SLC17A5: variants seen among roughly 807,000 people sequenced by gnomAD.
SLC17A5 encodes solute carrier family 17 member 5.
A neutral mutation model predicts 59.4 loss-of-function variants in SLC17A5; 47 were observed. The ratio of observed to expected loss-of-function variants is 0.79; its 90% CI spans 0.63 to 1.01. The LOEUF (loss-of-function observed/expected upper bound fraction) is 1.01, where lower values mean the gene tolerates loss of function less well. Among genes scored for constraint, SLC17A5 ranks in the 50% least tolerant of loss-of-function variants. The pLI, the probability that SLC17A5 is intolerant of heterozygous loss-of-function variation, is 0.00. For missense variants in SLC17A5, 522 were observed against 595.5 expected (o/e 0.88, Z 1.28); for synonymous variants, 202 against 210.7 (o/e 0.96, Z 0.36).
intron 8 of SLC17A5, among the ~76,000 whole-genome samples, chr6:73,613,850 G>A (rs1767736005): frequency 6.6e-6 from 1 of 152,146 alleles, no homozygotes; most frequent in East Asian, 1.9e-4. Context: ...TGGGTGTGGT[G>A]GCTCACACCT....
intron 2 of SLC17A5, 23 bp from the exon 3 acceptor site, chr6:73,641,947 A>G: frequency 6.3e-7 from 1 of 1,590,648 alleles, no homozygotes; most frequent in Non-Finnish European, 8.6e-7. Flanking sequence ...GAAAAGAATA[A>G]AACAATCCTT....
chr6:73,622,294 CTTTCT>C (rs200715731), intron 6 of SLC17A5, among the ~76,000 whole-genome samples: 15,827 of 149,398 alleles, frequency 0.11, 908 homozygotes, highest in Middle Eastern at 0.19. Flanking sequence ...CTATTTCTTT[CTTTCT>C]TTTTTTTTTT....
intron 1 of SLC17A5, among the ~76,000 whole-genome samples, chr6:73,646,688 T>C (rs2150122551): frequency 6.6e-6 from 1 of 152,262 alleles, no homozygotes; most frequent in Non-Finnish European, 1.5e-5. Flanking sequence ...TCTTTTTTTT[T>C]TTAGAGACAG....
At chr6:73,600,031 T>A (rs1478324688) in intron 10 of SLC17A5, among the ~76,000 whole-genome samples, 2 of 152,142 alleles carry the variant, frequency 1.3e-5, no homozygotes, top group African/African-American at 2.4e-5. Flanking sequence ...CCTGACCTCG[T>A]GATCCACCTG....
At position 73,630,527 on chromosome 6, in the gene SLC17A5, C is replaced by T. The variant is rs532635804; in HGVS notation, c.819+4855G>A. Among the ~76,000 whole-genome samples the T allele has an allele frequency of 1.2e-3, 187 of 152,204 alleles. 1 individual carries two copies. The highest frequency in any genetic ancestry group is 4.4e-3 in the African/African-American group (182 of 41,534). On this transcript the variant is annotated intron_variant, in intron 6 of 10. Coordinates refer to ENST00000355773, the MANE Select transcript of SLC17A5 (RefSeq NM_012434.5). The stretch of plus-strand genomic sequence containing the variant: ...CAATGCAAATCTGATTCTGTCACTT[C>T]GAGCTTACAAATACTTCATGGCATC...
At chr6:73,640,017 G>T (rs1184968689) in intron 3 of SLC17A5, among the ~76,000 whole-genome samples, 1 of 152,184 alleles carries the variant, frequency 6.6e-6, no homozygotes, top group Non-Finnish European at 1.5e-5. Context: ...CTGCACTCCA[G>T]CCTGGGCAAC....
chr6:73,632,573 G>C (rs1768795081), intron 6 of SLC17A5, among the ~76,000 whole-genome samples: 1 of 150,304 alleles, frequency 6.7e-6, no homozygotes, highest in Non-Finnish European at 1.5e-5. Flanking sequence ...CAGCCGAGTA[G>C]CTGGGACTAC....
intron 5 of SLC17A5, among the ~76,000 whole-genome samples, chr6:73,635,888 G>A (rs1278569461): frequency 2.6e-5 from 4 of 151,910 alleles, no homozygotes; most frequent in Non-Finnish European, 4.4e-5. Context: ...CTACAGGCAC[G>A]TGCCACCACG....
intron 7 of SLC17A5, among the ~76,000 whole-genome samples, chr6:73,617,268 A>ACCAGTCTGG (rs1767917728): frequency 6.6e-6 from 1 of 151,220 alleles, no homozygotes; most frequent in African/African-American, 2.4e-5. Flanking sequence ...TCAGTCCAGC[A>ACCAGTCTGG]TGGGTGACAG....
At chr6:73,631,711 T>A (rs745952901) in intron 6 of SLC17A5, among the ~76,000 whole-genome samples, 6 of 151,890 alleles carry the variant, frequency 4.0e-5, no homozygotes, top group Non-Finnish European at 7.3e-5. Context: ...GTTCCAAAGA[T>A]GTCCTGTACC....
chr6:73,645,764 G>T (rs1178145589), intron 1 of SLC17A5, among the ~76,000 whole-genome samples: 1 of 146,104 alleles, frequency 6.8e-6, no homozygotes, highest in Non-Finnish European at 1.5e-5. Flanking sequence ...CTCCAGCCTG[G>T]GCGACAGAGA....
chr6:73,602,625 A>T (rs2150079468), intron 9 of SLC17A5, among the ~76,000 whole-genome samples: 1 of 152,190 alleles, frequency 6.6e-6, no homozygotes, highest in South Asian at 2.1e-4. Flanking sequence ...ATACAAAAAA[A>T]TTAGCCGGCC....
intron 6 of SLC17A5, among the ~76,000 whole-genome samples, chr6:73,631,051 GAA>G (rs59780167): frequency 1.4e-4 from 15 of 104,530 alleles, no homozygotes; most frequent in East Asian, 2.7e-4. Context: ...TGTCTCAAAA[GAA>G]AAAAAAAAAA....
intron 8 of SLC17A5, among the ~76,000 whole-genome samples, chr6:73,610,956 A>G (rs1161160529): frequency 6.6e-6 from 1 of 152,236 alleles, no homozygotes; most frequent in African/African-American, 2.4e-5. Flanking sequence ...ATAATACTCC[A>G]TCTTGCCTGG....
At chr6:73,601,861 AG>A (rs1302749835) in intron 9 of SLC17A5, among the ~76,000 whole-genome samples, 2 of 146,514 alleles carry the variant, frequency 1.4e-5, no homozygotes, top group African/African-American at 5.1e-5. Flanking sequence ...CCGGGAGGTG[AG>A]GGGCGCCTCT....
chr6:73,615,343 T>C lies in SLC17A5; in HGVS notation c.1083A>G (p.Leu361=). 1.2e-6 allele frequency: 2 copies of C among 1,614,040 alleles called. No homozygotes were observed. Among genetic ancestry groups the C allele is most frequent in the Admixed American group, 1.7e-5 (1 of 60,008 alleles). The change falls in exon 8 of 11, where the codon TTA becomes TTG. Residue 361 remains leucine (L), a synonymous_variant. Coordinates refer to ENST00000355773, the MANE Select transcript of SLC17A5 (RefSeq NM_012434.5). ...TAAGGCTAAAAATTCTGCGAACACA[T>C]AAAGTTGAAAAATTCCATTTTGCCC... ...NLRAKWNFST[L]CVRRIFSLIG...
chr6:73,645,493 A>T (rs890007147), intron 1 of SLC17A5: 13 of 954,528 alleles, frequency 1.4e-5, no homozygotes, highest in African/African-American at 5.4e-5. Context: ...CACCATGATT[A>T]AAAAAAAAGG....
At chr6:73,595,289 C>G (rs991440439) in intron 10 of SLC17A5, 75 bp from the exon 11 acceptor site, 14 of 1,532,920 alleles carry the variant, frequency 9.1e-6, no homozygotes, top group Non-Finnish European at 1.3e-5. Flanking sequence ...GATAGTGTCA[C>G]AAGAGTGTTA....
rs745377361 is a variant in SLC17A5, at chr6:73,595,097, G to A, written c.1468C>T (p.His490Tyr). Residue 490 changes from histidine (H) to tyrosine (Y), a missense_variant, in exon 11 of 11, where the codon CAC becomes TAC. Physicochemically the swap from His to Tyr is moderately conservative, Grantham distance 83. This residue lies in a region of SLC17A5 where 153 missense variants were observed against 168.5 expected (regional missense o/e 0.91). Transcript: ENST00000355773. ...TTCCTTCAGTGTCTGTGTCCATGGT[G>A]ATCATTGAGAGCCCAGTTTTGTACT... Reference protein sequence around the residue: ...GEVQNWALNDHHGHRH With the variant: ...GEVQNWALNDYHGHRH 1.9e-6 allele frequency: 3 copies of A among 1,614,112 alleles called. No individual in the cohort carries two copies. The highest frequency in any genetic ancestry group is 2.5e-6 in the Non-Finnish European group (3 of 1,179,998).
Sources: gnomAD v4.1 joint callset for allele counts (sites outside exome capture counted in the v4.1 genomes callset) on GRCh38, gnomAD v4.1.1 for gene constraint, gnomAD v4.1.1 regional missense constraint, MANE v1.5 for transcripts, NCBI Gene and HGNC (gene_info 2026-07-23, HGNC 2026-07-21) for gene names.